Variants in RBM44 observed in about 807,000 individuals in gnomAD.
RBM44 encodes the protein RNA binding motif protein 44.
A neutral mutation model predicts 105.1 loss-of-function variants in RBM44; 66 were observed. That is an observed-to-expected ratio of 0.63 (90% CI 0.52 to 0.77). The LOEUF (loss-of-function observed/expected upper bound fraction) is 0.77. Among genes scored for constraint, RBM44 ranks in the 30% least tolerant of loss-of-function variants. The pLI is 0.00. For missense variants in RBM44, 1,122 were observed against 1,207.8 expected (o/e 0.93, Z 1.05); for synonymous variants, 365 against 417.6 (o/e 0.87, Z 1.54).
rs1356918446 is a variant in RBM44 at position 237,824,340 on chromosome 2, G to A, written c.2370G>A (p.Glu790=). Reference sequence around the variant, plus strand: ...GCGAAGACTGGTCTGATGCTAAAGAGAGCCTGACAGGAGTTGACGTCTCAG... The same window carrying A: ...GCGAAGACTGGTCTGATGCTAAAGAAAGCCTGACAGGAGTTGACGTCTCAG... The part of the protein sequence containing the change: ...ETSEDWSDAK[E]SLTGVDVSGT... The change falls in exon 10 of 16, where the codon GAG becomes GAA. Residue 790 remains glutamate (E), a synonymous_variant. Coordinates refer to ENST00000316997, the MANE Select transcript of RBM44 (RefSeq NM_001080504.3). The A allele has an allele frequency of 1.2e-6, 2 of 1,613,104 alleles. No individual in the cohort carries two copies. The highest frequency in any genetic ancestry group is 1.7e-6 in the Non-Finnish European group (2 of 1,179,354).
At chr2:237,807,723 C>A (rs1440333168) in intron 1 of RBM44, among the ~76,000 whole-genome samples, 1 of 152,132 alleles carries the variant, frequency 6.6e-6, no homozygotes, top group Non-Finnish European at 1.5e-5. Flanking sequence ...GGCTTGGGAT[C>A]CAATGTGCTT....
At chr2:237,830,781 ACT>A (rs921347801) in intron 13 of RBM44, among the ~76,000 whole-genome samples, 2 of 152,084 alleles carry the variant, frequency 1.3e-5, no homozygotes, top group Non-Finnish European at 2.9e-5. Flanking sequence ...CCCATAGTAC[ACT>A]GTCTTCATTA....
chr2:237,832,359 G>T (rs1281827751), intron 13 of RBM44, among the ~76,000 whole-genome samples: 1 of 152,084 alleles, frequency 6.6e-6, no homozygotes, highest in Non-Finnish European at 1.5e-5. Flanking sequence ...GTGCTATGTT[G>T]CCCAGGCTGG....
chr2:237,804,163 C>T (rs1353991146), intron 1 of RBM44, among the ~76,000 whole-genome samples: 1 of 152,220 alleles, frequency 6.6e-6, no homozygotes, highest in Non-Finnish European at 1.5e-5. Flanking sequence ...CGCCACCACG[C>T]CTGACCAATA....
At position 237,817,513 on chromosome 2, in the gene RBM44, T is replaced by C; in HGVS notation, c.594T>C (p.Ser198=). The change falls in exon 3 of 16, where the codon AGT becomes AGC. Residue 198 remains serine, a synonymous_variant. Coordinates refer to ENST00000316997, the MANE Select transcript of RBM44 (RefSeq NM_001080504.3). Reference sequence around the variant, plus strand: ...GTGCAGAAGAACAAGAATACATAAGTAACCATTTATCTTTTGACCAAACAA... The same window carrying C: ...GTGCAGAAGAACAAGAATACATAAGCAACCATTTATCTTTTGACCAAACAA... ...YHSAEEQEYI[S]NHLSFDQTKA... The C allele has an allele frequency of 6.2e-7, 1 of 1,607,996 alleles. No individual in the cohort carries two copies. The highest frequency in any genetic ancestry group is 8.5e-7 in the Non-Finnish European group (1 of 1,176,720).
intron 8 of RBM44, 51 bp from the exon 9 acceptor site, chr2:237,823,389 G>A: frequency 1.2e-6 from 1 of 824,534 alleles, no homozygotes. Context: ...CATAGTAAGA[G>A]CATAATAATT....
At chr2:237,839,660 C>G (rs2061992461) in intron 15 of RBM44, among the ~76,000 whole-genome samples, 2 of 152,176 alleles carry the variant, frequency 1.3e-5, no homozygotes, top group South Asian at 4.1e-4. Flanking sequence ...GAATCAACAA[C>G]TTAAACATAA....
chr2:237,841,030 A>G lies in RBM44; in HGVS notation c.*23-809A>G, dbSNP rs2062007342. On this transcript the variant is annotated intron_variant, in intron 15 of 15. Coordinates refer to ENST00000316997, the MANE Select transcript of RBM44 (RefSeq NM_001080504.3). This position sits in a 1 kb window ranked among gnomAD's most constrained non-coding sequence, Gnocchi z 4.5. Reference sequence around the variant, plus strand: ...GTTTGGTGATTTCTCAAAGAACTTAAAACAGAACTACCATTCGGGCCAGCA... The same window carrying G: ...GTTTGGTGATTTCTCAAAGAACTTAGAACAGAACTACCATTCGGGCCAGCA... 6.6e-6 allele frequency among the ~76,000 whole-genome samples: 1 copy of G among 152,240 alleles called. No individual in the cohort carries two copies. Among genetic ancestry groups the G allele is most frequent in the African/African-American group, 2.4e-5 (1 of 41,470 alleles).
At chr2:237,815,296 G>T (rs1015752888) in intron 2 of RBM44, among the ~76,000 whole-genome samples, 3 of 152,142 alleles carry the variant, frequency 2.0e-5, no homozygotes, top group Non-Finnish European at 4.4e-5. Context: ...ATTTATAACA[G>T]CTTACTGGAC....
chr2:237,807,179 C>T (rs79749461), intron 1 of RBM44, among the ~76,000 whole-genome samples: 7 of 152,146 alleles, frequency 4.6e-5, no homozygotes, highest in Non-Finnish European at 7.4e-5. Flanking sequence ...GATGGAATCT[C>T]GCTCTGTTGC....
Position 237,821,072 on chromosome 2 carries a change from A to G in RBM44, c.1915A>G (p.Asn639Asp), listed in dbSNP as rs2061782287. 6.3e-7 allele frequency: 1 copy of G among 1,579,412 alleles called. No individual in the cohort carries two copies. Among genetic ancestry groups the G allele is most frequent in the South Asian group, 1.2e-5 (1 of 85,090 alleles). ...TTTGTGCACTCAACTTTTGAACAGGAATTTATCAAGTAATTCTGCTAAGAA... is the reference window on the plus strand; with the variant it reads ...TTTGTGCACTCAACTTTTGAACAGGGATTTATCAAGTAATTCTGCTAAGAA... Reference protein sequence around the residue: ...VMENREGLNMNLSSNSAKKEL... With the variant: ...VMENREGLNMDLSSNSAKKEL... Residue 639 changes from asparagine (N) to aspartate (D), a missense_variant and splice_region_variant, in exon 6 of 16, where the codon AAT becomes GAT. By Grantham distance (23) the Asn-to-Asp change is conservative. Coordinates refer to ENST00000316997, the MANE Select transcript of RBM44 (RefSeq NM_001080504.3).
At chr2:237,834,511 T>G in intron 15 of RBM44, 88 bp downstream of exon 15, 1 of 622,260 alleles carries the variant, frequency 1.6e-6, no homozygotes, top group South Asian at 2.8e-5. Flanking sequence ...AAAAACATAT[T>G]AAATTTAAAA....
chr2:237,802,448 A>G (rs1268617841), intron 1 of RBM44, among the ~76,000 whole-genome samples: 6 of 152,118 alleles, frequency 3.9e-5, no homozygotes, highest in South Asian at 2.1e-4. Flanking sequence ...CCTACCTCCA[A>G]TCCTCTGGTC....
chr2:237,830,781 A>G (rs1330210593), intron 13 of RBM44, among the ~76,000 whole-genome samples: 1 of 152,084 alleles, frequency 6.6e-6, no homozygotes, highest in African/African-American at 2.4e-5. Flanking sequence ...CCCATAGTAC[A>G]CTGTCTTCAT....
intron 1 of RBM44, among the ~76,000 whole-genome samples, chr2:237,809,833 G>T (rs368114699): frequency 1.3e-5 from 2 of 152,220 alleles, no homozygotes; most frequent in African/African-American, 4.8e-5. Context: ...TCAGGAGGCT[G>T]AAGTGGGAGG....
chr2:237,824,200 C>A, intron 9 of RBM44, 91 bp from the exon 10 acceptor site: 1 of 1,232,530 alleles, frequency 8.1e-7, no homozygotes, highest in South Asian at 1.5e-5. Flanking sequence ...TAGTAGTCAT[C>A]ATCGTACTGA....
At position 237,820,483 on chromosome 2, in the gene RBM44, A is replaced by G. The variant is rs13392677; in HGVS notation, c.1913+132A>G. 9.4e-3 allele frequency: 5,365 copies of G among 568,380 alleles called. 239 individuals carry two copies. The highest frequency in any genetic ancestry group is 0.094 in the African/African-American group (4,798 of 50,996). The allele number at this position is 568,380 out of a possible 1,614,324, so 35.2% of individuals were successfully genotyped here. On this transcript the variant is annotated intron_variant, in intron 5 of 15. Transcript: ENST00000316997. ...TAGATTGTTACTGGGTTTGTTAGTTAGCCTAAGGGTAATAGAACCCTTGAG... is the reference window on the plus strand; with the variant it reads ...TAGATTGTTACTGGGTTTGTTAGTTGGCCTAAGGGTAATAGAACCCTTGAG...
At chr2:237,808,377 G>A (rs752909532) in intron 1 of RBM44, among the ~76,000 whole-genome samples, 11 of 151,814 alleles carry the variant, frequency 7.2e-5, no homozygotes, top group Non-Finnish European at 1.6e-4. Context: ...TTGAGCCTGG[G>A]AGGTCAAGAC....
At chr2:237,838,999 A>T (rs764047844) in intron 15 of RBM44, among the ~76,000 whole-genome samples, 2 of 152,138 alleles carry the variant, frequency 1.3e-5, no homozygotes, top group Non-Finnish European at 2.9e-5. Context: ...TTCAACATAA[A>T]CCACATTGTT....
Sources: gnomAD v4.1 joint callset for allele counts (sites outside exome capture counted in the v4.1 genomes callset) on GRCh38, gnomAD v4.1.1 for gene constraint, Gnocchi (gnomAD v3.1) non-coding constraint, MANE v1.5 for transcripts, NCBI Gene and HGNC (gene_info 2026-07-23, HGNC 2026-07-21) for gene names.